PIK3R1: variants seen among roughly 807,000 people sequenced by gnomAD.
PIK3R1 encodes phosphoinositide-3-kinase regulatory subunit 1, also known as phosphatidylinositol 3-kinase regulatory subunit alpha.
A neutral mutation model predicts 98.0 loss-of-function variants in PIK3R1; 29 were observed. The ratio of observed to expected loss-of-function variants is 0.30; its 90% confidence interval spans 0.22 to 0.40. The LOEUF (loss-of-function observed/expected upper bound fraction) is 0.40, where lower values mean the gene tolerates loss of function less well. Ranked by LOEUF, PIK3R1 falls within the 10% of genes least tolerant of loss-of-function variation. PIK3R1 has a pLI of 1.00. For missense variants in PIK3R1, 596 were observed against 872.7 expected, an observed-to-expected ratio of 0.68 and a Z score of 3.99; for synonymous variants, 282 against 311.8, an observed-to-expected ratio of 0.90 and a Z score of 1.01.
In PIK3R1 at chr5:68,301,420, ATATAT is replaced by A. The variant is rs1561308340; in HGVS notation, c.*3820_*3824del. On this transcript the variant is annotated 3_prime_UTR_variant, in exon 16 of 16. Coordinates refer to ENST00000521381, the MANE Select transcript of PIK3R1 (RefSeq NM_181523.3). The stretch of plus-strand genomic sequence containing the variant: ...TATATATATATATATATATATATAT[ATATAT>A]ATATATATGTGTGTGTATATATATA... 1 of 102,954 alleles carries A rather than the reference ATATAT, an allele frequency of 9.7e-6. No homozygotes were observed. The highest frequency in any genetic ancestry group is 1.9e-5 in the Non-Finnish European group (1 of 53,590). 6.4% of individuals were successfully genotyped at this position (102,954 alleles called of 1,614,324 possible).
At chr5:68,226,205 C>T (rs993015685) in intron 1 of PIK3R1, 85 bp from the exon 2 acceptor site, 1 of 385,718 alleles carries the variant, frequency 2.6e-6, no homozygotes, top group African/African-American at 2.1e-5. Flanking sequence ...CGATTAAGTA[C>T]TTGTTGAATG....
intron 1 of PIK3R1, among the ~76,000 whole-genome samples, chr5:68,221,116 A>G (rs1374638181): frequency 1.3e-5 from 2 of 152,250 alleles, no homozygotes; most frequent in Non-Finnish European, 2.9e-5. Context: ...GCAAGAGGAC[A>G]TAAGATGAAG....
intron 11 of PIK3R1, among the ~76,000 whole-genome samples, chr5:68,294,295 G>C (rs760226569): frequency 6.6e-6 from 1 of 152,224 alleles, no homozygotes; most frequent in African/African-American, 2.4e-5. Context: ...CAACAGGGAT[G>C]CTATAAACTA....
At chr5:68,216,178 C>A (rs1743868533) in intron 1 of PIK3R1, among the ~76,000 whole-genome samples, 1 of 152,176 alleles carries the variant, frequency 6.6e-6, no homozygotes, top group Non-Finnish European at 1.5e-5. Context: ...TCCCCGCCAT[C>A]CTGACTCCCG....
intron 2 of PIK3R1, among the ~76,000 whole-genome samples, chr5:68,238,809 G>A (rs970246881): frequency 3.3e-5 from 5 of 152,160 alleles, no homozygotes; most frequent in African/African-American, 9.7e-5. Context: ...TCATGCACGT[G>A]TGCAGATTTG....
At chr5:68,222,921 G>A (rs1033116328) in intron 1 of PIK3R1, among the ~76,000 whole-genome samples, 6 of 152,058 alleles carry the variant, frequency 3.9e-5, no homozygotes, top group Non-Finnish European at 8.8e-5. Context: ...CAATTGCTAA[G>A]TATTATCGTG....
chr5:68,225,330 G>A (rs1693515802), intron 1 of PIK3R1, among the ~76,000 whole-genome samples: 1 of 151,616 alleles, frequency 6.6e-6, no homozygotes, highest in African/African-American at 2.4e-5. Flanking sequence ...CAAATCCCTA[G>A]CATGTTTCCT....
Position 68,297,779 on chromosome 5 carries a change from G to A in PIK3R1, c.*178G>A. 1 of 526,096 alleles carries A rather than the reference G, an allele frequency of 1.9e-6. No homozygotes were observed. The highest frequency in any genetic ancestry group is 3.3e-6 in the Non-Finnish European group (1 of 299,192). 32.6% of individuals were successfully genotyped at this position (526,096 alleles called of 1,614,324 possible). On this transcript the variant is annotated 3_prime_UTR_variant, in exon 16 of 16. Coordinates refer to ENST00000521381, the MANE Select transcript of PIK3R1 (RefSeq NM_181523.3). ...AGTAGGGGAAGACATGCAGCCTAAGGCTGTATGATGACCACACGTTCCTAA... is the reference window on the plus strand; with the variant it reads ...AGTAGGGGAAGACATGCAGCCTAAGACTGTATGATGACCACACGTTCCTAA...
chr5:68,237,645 A>T (rs1744714401), intron 2 of PIK3R1, among the ~76,000 whole-genome samples: 1 of 152,036 alleles, frequency 6.6e-6, no homozygotes, highest in South Asian at 2.1e-4. Flanking sequence ...AAGGCCTCTG[A>T]CTGGTAGTCC....
At chr5:68,265,334 C>T (rs1746078865) in intron 2 of PIK3R1, among the ~76,000 whole-genome samples, 1 of 152,140 alleles carries the variant, frequency 6.6e-6, no homozygotes, top group African/African-American at 2.4e-5. Flanking sequence ...GGTTCCATTC[C>T]TCTCTTTGGG....
At chr5:68,220,687 C>T (rs75037855) in intron 1 of PIK3R1, among the ~76,000 whole-genome samples, 1,813 of 152,304 alleles carry the variant, frequency 0.012, 32 homozygotes, top group African/African-American at 0.041. Flanking sequence ...ACAGCCTATA[C>T]AGCCTGTTTA....
rs1217720285 is a variant in PIK3R1, at chr5:68,298,758, T to C, written c.*1157T>C. On this transcript the variant is annotated 3_prime_UTR_variant, in exon 16 of 16. Transcript: ENST00000521381. ...ATAAAAAAAAGAAATGAAAAAGATATATGAATATGACAAAGTATTGCTGAG... is the reference window on the plus strand; with the variant it reads ...ATAAAAAAAAGAAATGAAAAAGATACATGAATATGACAAAGTATTGCTGAG... The C allele has an allele frequency of 8.6e-6, 2 of 233,376 alleles. No individual in the cohort carries two copies. Among genetic ancestry groups the C allele is most frequent in the African/African-American group, 2.2e-5 (1 of 45,332 alleles). The allele number at this position is 233,376 out of a possible 1,614,324, so 14.5% of individuals were successfully genotyped here. A position where few individuals can be genotyped will look rare whatever the true frequency, so the allele number is the denominator to read the frequency against.
chr5:68,274,497 T>C (rs534442396), intron 4 of PIK3R1, among the ~76,000 whole-genome samples: 1 of 151,612 alleles, frequency 6.6e-6, no homozygotes, highest in East Asian at 1.9e-4. Flanking sequence ...GCCTTCTTTC[T>C]TTTTTTGTGT....
intron 2 of PIK3R1, among the ~76,000 whole-genome samples, chr5:68,246,984 T>C (rs571088407): frequency 6.6e-6 from 1 of 152,330 alleles, no homozygotes; most frequent in African/African-American, 2.4e-5. Context: ...TAAATTGTCT[T>C]AGCAATAAAT....
chr5:68,273,713 AT>A lies in PIK3R1; in HGVS notation c.428-225del. On this transcript the variant is annotated intron_variant, in intron 3 of 15. Coordinates refer to ENST00000521381, the MANE Select transcript of PIK3R1 (RefSeq NM_181523.3). ...CCATATGGAAACTATTAAATTCTTCATAATTTAATAAATATGATTAACTTTC... is the reference window on the plus strand; with the variant it reads ...CCATATGGAAACTATTAAATTCTTCAAATTTAATAAATATGATTAACTTTC... 6.8e-6 allele frequency: 4 copies of A among 591,700 alleles called. No individual in the cohort carries two copies. In the South Asian group the frequency reaches 8.8e-5, roughly 13 times the overall value. The allele number at this position is 591,700 out of a possible 1,614,324, so 36.7% of individuals were successfully genotyped here.
At chr5:68,296,506 A>G (rs887808919) in intron 15 of PIK3R1, among the ~76,000 whole-genome samples, 165 bp downstream of exon 15, 9 of 152,372 alleles carry the variant, frequency 5.9e-5, no homozygotes, top group Middle Eastern at 3.4e-3. Context: ...ATACCATTTT[A>G]AAGTCTAGCC....
intron 2 of PIK3R1, among the ~76,000 whole-genome samples, chr5:68,244,453 TAATA>T (rs1224991105): frequency 6.7e-4 from 79 of 118,690 alleles, no homozygotes; most frequent in African/African-American, 2.5e-3. Flanking sequence ...TTATATCAAG[TAATA>T]AATAAAATTT....
At chr5:68,230,041 A>G (rs182612585) in intron 2 of PIK3R1, among the ~76,000 whole-genome samples, 1 of 152,376 alleles carries the variant, frequency 6.6e-6, no homozygotes, top group East Asian at 1.9e-4. Flanking sequence ...AAGAGCCAGC[A>G]TGCCCTGAGA....
rs1744380265 is a variant in PIK3R1 at position 68,228,991 on chromosome 5, T to C, written c.334+1982T>C. ...TTTTAGCAGCTTTTTCATTTTTCTT[T>C]AATACATGGAAAGATGGAGTGAAAT... On this transcript the variant is annotated intron_variant, in intron 2 of 15. Coordinates refer to ENST00000521381, the MANE Select transcript of PIK3R1 (RefSeq NM_181523.3). Among the ~76,000 whole-genome samples, 3 of 152,188 alleles carry C rather than the reference T, an allele frequency of 2.0e-5. No homozygotes were observed. The South Asian group carries it at 6.2e-4, about 31-fold the overall frequency.
Sources: allele counts gnomAD v4.1 joint callset (sites outside exome capture counted in the v4.1 genomes callset), GRCh38; gene constraint gnomAD v4.1.1; transcripts MANE v1.5; gene names NCBI Gene and HGNC (gene_info 2026-07-23, HGNC 2026-07-21).